Variants in NRL observed in about 807,000 individuals in gnomAD.
NRL encodes neural retina leucine zipper, also known as neural retina-specific leucine zipper protein.
Under a neutral mutation model 12.5 loss-of-function variants are expected in NRL, and 16 were observed. That is an observed-to-expected ratio of 1.28 (90% CI 0.87 to 1.95). The LOEUF (loss-of-function observed/expected upper bound fraction) is 1.95, where lower values mean the gene tolerates loss of function less well. Ranked by LOEUF, NRL falls within the 30% of genes most tolerant of loss-of-function variation. The pLI is 0.00. For missense variants in NRL, 314 were observed against 325.8 expected, an observed-to-expected ratio of 0.96 and a Z score of 0.28; for synonymous variants, 142 against 150.9, an observed-to-expected ratio of 0.94 and a Z score of 0.43.
chr14:24,110,861 T>C (rs1486229302), intron 1 of NRL, among the ~76,000 whole-genome samples: 2 of 152,186 alleles, frequency 1.3e-5, no homozygotes, highest in East Asian at 3.8e-4. Context: ...GGTGCAGAGG[T>C]AAAAATAAAC....
chr14:24,098,425 G>T, intron 1 of NRL: 1 of 1,612,518 alleles, frequency 6.2e-7, no homozygotes, highest in Non-Finnish European at 8.5e-7. Flanking sequence ...GGGCACGGAA[G>T]ATGTGAACAG....
intron 1 of NRL, chr14:24,097,099 G>T (rs776842460): frequency 6.2e-7 from 1 of 1,613,940 alleles, no homozygotes; most frequent in Non-Finnish European, 8.5e-7. Context: ...TGCTGGAGCA[G>T]CAGGGCCTCA....
intron 1 of NRL, 94 bp from the exon 2 acceptor site, chr14:24,082,969 A>G: frequency 7.8e-7 from 1 of 1,282,562 alleles, no homozygotes; most frequent in Non-Finnish European, 1.1e-6. Context: ...AGTGCCCTGG[A>G]GCAAGAGTTT....
At position 24,082,746 on chromosome 14, in the gene NRL, G is replaced by C. The variant is rs374903210; in HGVS notation, c.103C>G (p.Pro35Ala). Residue 35 changes from proline to alanine, a missense_variant, in exon 2 of 3, where the codon CCT becomes GCT. Transcript: ENST00000561028. ...REPSEGRPGPPTASLGSTPYS... is the reference protein window; with the variant it reads ...REPSEGRPGPATASLGSTPYS... ...GGTGTGGAGCCCAGTGAGGCTGTAG[G>C]GGGGCCAGGTCGGCCCTCAGAGGGT... 7 of 1,614,206 alleles carry C rather than the reference G, an allele frequency of 4.3e-6. No homozygotes were observed. Among genetic ancestry groups the C allele is most frequent in the East Asian group, 4.5e-5 (2 of 44,890 alleles).
rs1237636783 is a variant in NRL, at chr14:24,094,091, CG to C, written c.-27-11217del. The C allele has an allele frequency of 5.6e-6, 3 of 532,954 alleles. No homozygotes were observed. The highest frequency in any genetic ancestry group is 9.9e-6 in the Non-Finnish European group (3 of 304,370). The allele number at this position is 532,954 out of a possible 1,614,324, so 33.0% of individuals were successfully genotyped here. A position where few individuals can be genotyped will look rare whatever the true frequency, so the allele number is the denominator to read the frequency against. Reference sequence around the variant, plus strand: ...CGGATGGGGGGCGGGGCCTCGAAGTCGGGGGCCGAAGAGTGGACCCAGTCCT... The same window carrying C: ...CGGATGGGGGGCGGGGCCTCGAAGTCGGGGCCGAAGAGTGGACCCAGTCCT... On this transcript the variant is annotated intron_variant, in intron 1 of 2. Transcript: ENST00000561028. This position sits in a 1 kb window ranked among gnomAD's most constrained non-coding sequence, Gnocchi z 4.1.
At chr14:24,099,874 C>G (rs778832946) in intron 1 of NRL, 1 of 1,581,330 alleles carries the variant, frequency 6.3e-7, no homozygotes, top group South Asian at 1.1e-5. Flanking sequence ...CGAGAGACAG[C>G]CTTTCCTCAT....
At chr14:24,105,801 C>G (rs1292169843) in intron 1 of NRL, among the ~76,000 whole-genome samples, 1 of 152,134 alleles carries the variant, frequency 6.6e-6, no homozygotes, top group Non-Finnish European at 1.5e-5. Context: ...GCCTGTAATC[C>G]CAGCTATTTA....
chr14:24,084,425 T>C (rs1274486194), intron 1 of NRL: 1 of 445,842 alleles, frequency 2.2e-6, no homozygotes, highest in Admixed American at 6.4e-5. Flanking sequence ...TACCAAGGTG[T>C]TAGGATTCTT....
intron 1 of NRL, chr14:24,100,210 C>T (rs1450287437): frequency 6.2e-7 from 1 of 1,614,172 alleles, no homozygotes; most frequent in Admixed American, 1.7e-5. Flanking sequence ...ACCCTGGAAA[C>T]CTGGTATGTG....
chr14:24,084,631 G>A, intron 1 of NRL: 3 of 985,436 alleles, frequency 3.0e-6, no homozygotes, highest in Non-Finnish European at 3.6e-6. Context: ...AGCTCCAGGG[G>A]GCTGTGGGCA....
At chr14:24,084,560 G>A (rs950358399) in intron 1 of NRL, 23 of 985,388 alleles carry the variant, frequency 2.3e-5, no homozygotes, top group Non-Finnish European at 2.7e-5. Context: ...GCCAGAGCCA[G>A]ACAGGCACAG....
rs748279847 is a variant in NRL at position 24,094,360 on chromosome 14, G to A, written c.-27-11485C>T. ...CCTTCCCCGCCTTCCATACCTCCCC[G>A]GCTCCGCTCGGTTCCTGGCCACCCC... is the stretch of plus-strand genomic sequence containing the variant. On this transcript the variant is annotated intron_variant, in intron 1 of 2. Coordinates refer to ENST00000561028, the MANE Select transcript of NRL (RefSeq NM_001354768.3). This position sits in a 1 kb window ranked among gnomAD's most constrained non-coding sequence, Gnocchi z 4.1. The A allele has an allele frequency of 2.0e-6, 3 of 1,516,284 alleles. No individual in the cohort carries two copies. Among genetic ancestry groups the A allele is most frequent in the Non-Finnish European group, 2.7e-6 (3 of 1,127,936 alleles). 93.9% of individuals were successfully genotyped at this position (1,516,284 alleles called of 1,614,324 possible).
chr14:24,083,968 T>G (rs1047878250), intron 1 of NRL, among the ~76,000 whole-genome samples: 3 of 152,204 alleles, frequency 2.0e-5, no homozygotes, highest in Non-Finnish European at 4.4e-5. Context: ...CTTCCCAGCC[T>G]TGAAGTCCAA....
Position 24,103,286 on chromosome 14 carries a change from G to A in NRL, c.-28+11436C>T, listed in dbSNP as rs2071586. On this transcript the variant is annotated intron_variant, in intron 1 of 2. Coordinates refer to ENST00000561028, the MANE Select transcript of NRL (RefSeq NM_001354768.3). ...CACCCTCACCATTCCTCCCTCTCCTGTGTGTGCACACAGCACGTCCTCTCT... is the reference window on the plus strand; with the variant it reads ...CACCCTCACCATTCCTCCCTCTCCTATGTGTGCACACAGCACGTCCTCTCT... The A allele has an allele frequency of 1.9e-6, 3 of 1,549,628 alleles. No homozygotes were observed. The Admixed American group carries it at 5.1e-5, about 26-fold the overall frequency.
At chr14:24,093,962 C>T in intron 1 of NRL, 1 of 501,142 alleles carries the variant, frequency 2.0e-6, no homozygotes. Context: ...TGTAGTCTCC[C>T]GCCCCTGGCC....
chr14:24,089,307 G>C (rs976106909), intron 1 of NRL, among the ~76,000 whole-genome samples: 13 of 152,144 alleles, frequency 8.5e-5, no homozygotes, highest in Admixed American at 3.9e-4. Flanking sequence ...GAGTGCAGTG[G>C]TGCAATCATA....
chr14:24,082,326 G>T, intron 2 of NRL, 142 bp downstream of exon 2: 2 of 1,041,674 alleles, frequency 1.9e-6, no homozygotes, highest in African/African-American at 1.6e-5. Flanking sequence ...CGATCTGATT[G>T]CTTTCAAGGG....
intron 1 of NRL, chr14:24,100,494 G>T (rs1174881631): frequency 2.5e-6 from 2 of 810,470 alleles, no homozygotes; most frequent in African/African-American, 3.5e-5. Flanking sequence ...TGAGATTGTT[G>T]GAGGATTAAA....
intron 1 of NRL, among the ~76,000 whole-genome samples, chr14:24,095,713 C>T (rs2036842928): frequency 1.3e-5 from 2 of 152,286 alleles, no homozygotes; most frequent in South Asian, 4.1e-4. Flanking sequence ...GGTCTTTGCT[C>T]TCTCGGGTTT....
Sources: allele counts gnomAD v4.1 joint callset (sites outside exome capture counted in the v4.1 genomes callset), GRCh38; gene constraint gnomAD v4.1.1; non-coding constraint Gnocchi (gnomAD v3.1); transcripts MANE v1.5; gene names NCBI Gene and HGNC (gene_info 2026-07-23, HGNC 2026-07-21).